ARHGAP28: variants seen among roughly 807,000 people sequenced by gnomAD.
ARHGAP28 encodes rho GTPase-activating protein 28.
In ARHGAP28, 56 loss-of-function variants were observed where a neutral mutation model predicts 90.7. The observed-to-expected ratio is 0.62, with a 90% confidence interval of 0.50 to 0.77. The LOEUF (loss-of-function observed/expected upper bound fraction) is 0.77. ARHGAP28 is among the 30% of genes least tolerant of loss of function. The pLI is 0.00. For synonymous variants in ARHGAP28, 308 were observed against 323.3 expected (o/e 0.95, Z 0.51); for missense variants, 869 against 900.9 (o/e 0.96, Z 0.45).
chr18:6,910,891 CT>C (rs35173122), intron 17 of ARHGAP28, among the ~76,000 whole-genome samples: 46,355 of 151,022 alleles, frequency 0.31, 7,180 homozygotes, highest in Middle Eastern at 0.38. Flanking sequence ...GTCGCCCAGG[CT>C]GGAGTGCAGT....
At chr18:6,766,998 A>G (rs1231674073) in intron 1 of ARHGAP28, among the ~76,000 whole-genome samples, 2 of 152,088 alleles carry the variant, frequency 1.3e-5, no homozygotes, top group African/African-American at 2.4e-5. Flanking sequence ...CTATCTTGCT[A>G]TATGTTTACT....
chr18:6,828,175 C>A (rs928769875), intron 2 of ARHGAP28, among the ~76,000 whole-genome samples: 2 of 152,186 alleles, frequency 1.3e-5, no homozygotes, highest in East Asian at 3.9e-4. Flanking sequence ...ACAGTGAAAC[C>A]CCGTCTCCAC....
At chr18:6,789,727 T>A (rs535621644) in intron 1 of ARHGAP28, 2 of 152,376 alleles carry the variant, frequency 1.3e-5, no homozygotes, top group Middle Eastern at 6.8e-3. Flanking sequence ...AGCATTTCTT[T>A]TTATAATAAA....
chr18:6,877,634 T>C (rs1600277170), intron 10 of ARHGAP28, among the ~76,000 whole-genome samples: 1 of 152,050 alleles, frequency 6.6e-6, no homozygotes, highest in African/African-American at 2.4e-5. Flanking sequence ...GAGAGTGGAG[T>C]TGGCTGAATG....
At chr18:6,846,098 G>A (rs918787127) in intron 3 of ARHGAP28, among the ~76,000 whole-genome samples, 1 of 152,162 alleles carries the variant, frequency 6.6e-6, no homozygotes, top group African/African-American at 2.4e-5. Flanking sequence ...ATAGAAGGAC[G>A]GGGGTTTGCT....
intron 1 of ARHGAP28, among the ~76,000 whole-genome samples, chr18:6,796,559 G>T (rs1362027436): frequency 6.6e-6 from 1 of 151,866 alleles, no homozygotes; most frequent in Non-Finnish European, 1.5e-5. Context: ...TGTCATACAG[G>T]CTACGAGATT....
intron 1 of ARHGAP28, among the ~76,000 whole-genome samples, chr18:6,823,282 G>T (rs73382792): frequency 6.6e-6 from 1 of 151,980 alleles, no homozygotes; most frequent in African/African-American, 2.4e-5. Flanking sequence ...TGACTACTCA[G>T]CACCACAAGT....
intron 16 of ARHGAP28, among the ~76,000 whole-genome samples, chr18:6,901,869 T>G (rs1045692580): frequency 2.0e-5 from 3 of 152,132 alleles, no homozygotes; most frequent in Non-Finnish European, 4.4e-5. Flanking sequence ...GTCAGCAGGG[T>G]TGATTCCTTC....
chr18:6,819,700 A>G (rs892522314), intron 1 of ARHGAP28, among the ~76,000 whole-genome samples: 3 of 152,234 alleles, frequency 2.0e-5, no homozygotes, highest in Admixed American at 1.3e-4. Flanking sequence ...CCAGCAACAC[A>G]GGGGACCAGG....
intron 1 of ARHGAP28, among the ~76,000 whole-genome samples, chr18:6,751,331 G>GA (rs57503256): frequency 0.015 from 2,047 of 138,464 alleles, 38 homozygotes; most frequent in African/African-American, 0.049. Flanking sequence ...CTCTTGTAAA[G>GA]AAAAAAAAAA....
rs1382820255 is a variant in ARHGAP28 at position 6,914,372 on chromosome 18, A to G, written c.*2218A>G. On this transcript the variant is annotated 3_prime_UTR_variant, in exon 18 of 18. Transcript: ENST00000383472. The stretch of plus-strand genomic sequence containing the variant: ...CAACTTTCAACTTCCATACGTATAT[A>G]TGTATGTATGGAAGGCCATGTCAAT... 2 of 152,144 alleles carry G rather than the reference A, an allele frequency of 1.3e-5. No individual in the cohort carries two copies. The highest frequency in any genetic ancestry group is 1.9e-4 in the East Asian group (1 of 5,188). 9.4% of individuals were successfully genotyped at this position (152,144 alleles called of 1,614,324 possible). A position where few individuals can be genotyped will look rare whatever the true frequency, so the allele number is the denominator to read the frequency against.
At chr18:6,809,078 C>A (rs1012568492) in intron 1 of ARHGAP28, among the ~76,000 whole-genome samples, 1 of 152,224 alleles carries the variant, frequency 6.6e-6, no homozygotes, top group South Asian at 2.1e-4. Context: ...TGTGCAGGAA[C>A]TCCTTCCATG....
chr18:6,855,155 G>A (rs988478245), intron 4 of ARHGAP28, among the ~76,000 whole-genome samples: 8 of 152,334 alleles, frequency 5.3e-5, no homozygotes, highest in African/African-American at 1.7e-4. Flanking sequence ...GCAGAAAGGG[G>A]CAGGTACCTG....
chr18:6,855,755 C>T (rs1462913252), intron 4 of ARHGAP28, among the ~76,000 whole-genome samples: 1 of 152,240 alleles, frequency 6.6e-6, no homozygotes, highest in African/African-American at 2.4e-5. Flanking sequence ...CTCTGCAGTT[C>T]CGGGGATCTC....
chr18:6,841,199 CTCTCCTCTCCT>C (rs1242435767), intron 3 of ARHGAP28, among the ~76,000 whole-genome samples: 13 of 62,288 alleles, frequency 2.1e-4, no homozygotes, highest in South Asian at 8.3e-4. Flanking sequence ...CTCTCTCTCT[CTCTCCTCTCCT>C]CTCTCTCTCT....
intron 8 of ARHGAP28, 24 bp downstream of exon 8, chr18:6,873,598 CT>C: frequency 6.2e-7 from 1 of 1,611,012 alleles, no homozygotes; most frequent in Non-Finnish European, 8.5e-7. Context: ...CTGATTGCTT[CT>C]GGCTTTAACA....
chr18:6,828,200 A>G (rs1040198773), intron 2 of ARHGAP28, among the ~76,000 whole-genome samples: 3 of 152,094 alleles, frequency 2.0e-5, no homozygotes, highest in Non-Finnish European at 4.4e-5. Flanking sequence ...AAAATACGAA[A>G]ACCAGTCAGG....
At chr18:6,890,165 C>T in intron 13 of ARHGAP28, 80 bp downstream of exon 13, 1 of 1,499,370 alleles carries the variant, frequency 6.7e-7, no homozygotes, top group African/African-American at 1.4e-5. Context: ...TTGGGCAACT[C>T]CCTTGGTCAT....
chr18:6,783,554 G>A (rs1260587947), intron 1 of ARHGAP28, among the ~76,000 whole-genome samples: 11 of 144,366 alleles, frequency 7.6e-5, no homozygotes, highest in South Asian at 6.2e-4. Flanking sequence ...GCCTGCCTCA[G>A]CCTCCCAAAG....
Sources: gnomAD v4.1 joint callset for allele counts (sites outside exome capture counted in the v4.1 genomes callset) on GRCh38, gnomAD v4.1.1 for gene constraint, MANE v1.5 for transcripts, NCBI Gene and HGNC (gene_info 2026-07-23, HGNC 2026-07-21) for gene names.